The following NR3C2 variants were observed in gnomAD, a reference collection of about 807,000 sequenced individuals.
NR3C2 encodes mineralocorticoid receptor.
NR3C2 carries 15 observed loss-of-function variants against 86.4 expected under a neutral mutation model. The observed-to-expected ratio is 0.17, with a 90% CI of 0.12 to 0.27. The LOEUF (loss-of-function observed/expected upper bound fraction) is 0.27, where lower values mean the gene tolerates loss of function less well. NR3C2 is among the 10% of genes least tolerant of loss of function. The probability of loss-of-function intolerance (pLI) is 1.00; values close to 1 mark genes in which losing one functional copy is unlikely to be tolerated. For missense variants in NR3C2, 960 were observed against 1,195.6 expected (o/e 0.80, Z 2.91); for synonymous variants, 458 against 450.5 (o/e 1.02, Z -0.21).
chr4:148,434,685 G>T (rs1481971215), intron 2 of NR3C2, among the ~76,000 whole-genome samples: 1 of 151,866 alleles, frequency 6.6e-6, no homozygotes, highest in East Asian at 1.9e-4. Context: ...AATAAAGAAA[G>T]CCATAATAAA....
rs555973904 is a variant in NR3C2 at position 148,327,372 on chromosome 4, G to C, written c.1758-67255C>G. 3.3e-5 allele frequency among the ~76,000 whole-genome samples: 5 copies of C among 152,318 alleles called. No individual in the cohort carries two copies. In the East Asian group the frequency reaches 9.6e-4, roughly 29 times the overall value. ...AAAATTAAGGATATGTAACTACCTT[G>C]GTTGAGGATAAGTGAATCCTGAAAT... On this transcript the variant is annotated intron_variant, in intron 2 of 8. Coordinates refer to ENST00000358102, the MANE Select transcript of NR3C2 (RefSeq NM_000901.5).
At chr4:148,363,145 G>T (rs77976216) in intron 2 of NR3C2, among the ~76,000 whole-genome samples, 1 of 152,130 alleles carries the variant, frequency 6.6e-6, no homozygotes, top group Non-Finnish European at 1.5e-5. Context: ...AGGACAATAC[G>T]TGAAATGACA....
intron 3 of NR3C2, among the ~76,000 whole-genome samples, chr4:148,236,042 A>G (rs1738734237): frequency 1.3e-5 from 2 of 152,190 alleles, no homozygotes; most frequent in South Asian, 2.1e-4. Context: ...GTGTTTCTAA[A>G]GCTAGGCCAG....
intron 4 of NR3C2, among the ~76,000 whole-genome samples, chr4:148,171,642 C>G (rs148033583): frequency 2.0e-4 from 31 of 152,360 alleles, no homozygotes; most frequent in Middle Eastern, 6.8e-3. Context: ...CAGAAGGCGG[C>G]ACTTGCCCAT....
At chr4:148,193,415 G>GCA (rs1560970793) in intron 4 of NR3C2, among the ~76,000 whole-genome samples, 5 of 152,126 alleles carry the variant, frequency 3.3e-5, no homozygotes, top group African/African-American at 1.2e-4. Flanking sequence ...TCTTGCAGTG[G>GCA]ATCTGGAGCT....
In NR3C2 at chr4:148,415,444, G is replaced by A. The variant is rs192342169; in HGVS notation, c.1757+19660C>T. 2.0e-5 allele frequency among the ~76,000 whole-genome samples: 3 copies of A among 152,250 alleles called. No individual in the cohort carries two copies. In the East Asian group the frequency reaches 5.8e-4, roughly 29 times the overall value. On this transcript the variant is annotated intron_variant, in intron 2 of 8. Transcript: ENST00000358102. ...AAAATGTATTTTATTCATCATGCTT[G>A]CTTTTCAGATTATTATAAACAAACA...
intron 6 of NR3C2, among the ~76,000 whole-genome samples, chr4:148,127,414 G>A (rs1434554412): frequency 6.6e-6 from 1 of 152,164 alleles, no homozygotes; most frequent in African/African-American, 2.4e-5. Context: ...ATAGAATAAT[G>A]TAAAAATATA....
intron 2 of NR3C2, among the ~76,000 whole-genome samples, chr4:148,410,361 T>C (rs886408777): frequency 6.6e-6 from 1 of 152,190 alleles, no homozygotes; most frequent in Non-Finnish European, 1.5e-5. Context: ...GTGATTAAAA[T>C]GAGGCAATGG....
chr4:148,081,128 T>C lies in NR3C2; in HGVS notation c.*216A>G, dbSNP rs933130055. The C allele has an allele frequency of 5.0e-6, 3 of 594,820 alleles. No homozygotes were observed. Among genetic ancestry groups the C allele is most frequent in the Non-Finnish European group, 9.1e-6 (3 of 328,166 alleles). 36.8% of individuals were successfully genotyped at this position (594,820 alleles called of 1,614,324 possible). A position where few individuals can be genotyped will look rare whatever the true frequency, so the allele number is the denominator to read the frequency against. ...GAACATGTTTCTAAGCGCTGGGGGA[T>C]TGGAGGTGGGGAATCCTTCAGACTG... is the stretch of plus-strand genomic sequence containing the variant. On this transcript the variant is annotated 3_prime_UTR_variant, in exon 9 of 9. Coordinates refer to ENST00000358102, the MANE Select transcript of NR3C2 (RefSeq NM_000901.5).
chr4:148,194,660 C>T (rs1736356062), intron 4 of NR3C2, 86 bp downstream of exon 4: 10 of 883,552 alleles, frequency 1.1e-5, no homozygotes, highest in South Asian at 4.0e-5. Context: ...CTGTTGGCTT[C>T]GTTTTCAATT....
chr4:148,099,497 A>G (rs1560920879), intron 8 of NR3C2, among the ~76,000 whole-genome samples: 1 of 152,184 alleles, frequency 6.6e-6, no homozygotes, highest in Non-Finnish European at 1.5e-5. Flanking sequence ...CTTTCTCTAT[A>G]AAAAGGATAA....
chr4:148,096,270 C>T (rs1369994705), intron 8 of NR3C2, among the ~76,000 whole-genome samples: 1 of 152,152 alleles, frequency 6.6e-6, no homozygotes, highest in African/African-American at 2.4e-5. Flanking sequence ...GTTTGAAATG[C>T]ATTGGCATGT....
intron 6 of NR3C2, among the ~76,000 whole-genome samples, chr4:148,135,433 G>C (rs976335527): frequency 6.6e-6 from 1 of 152,134 alleles, no homozygotes; most frequent in African/African-American, 2.4e-5. Context: ...GTGCCATCTT[G>C]GAAGGAGATG....
At chr4:148,257,960 T>C (rs1258796797) in intron 3 of NR3C2, among the ~76,000 whole-genome samples, 1 of 152,206 alleles carries the variant, frequency 6.6e-6, no homozygotes, top group African/African-American at 2.4e-5. Context: ...CACCTGCATT[T>C]AGGTTTTTGT....
At chr4:148,096,243 T>C (rs1466062921) in intron 8 of NR3C2, among the ~76,000 whole-genome samples, 1 of 152,058 alleles carries the variant, frequency 6.6e-6, no homozygotes, top group African/African-American at 2.4e-5. Flanking sequence ...ACAAAGGAAA[T>C]GTAATGAAAG....
Position 148,261,357 on chromosome 4 carries a change from G to A in NR3C2, c.1758-1240C>T, listed in dbSNP as rs182696381. Among the ~76,000 whole-genome samples the A allele has an allele frequency of 1.1e-3, 162 of 146,762 alleles. 1 individual carries two copies. In the Middle Eastern group the frequency reaches 0.014, roughly 12 times the overall value. ...ATGGTAAGCCCTATGGTGCGCTATGGTAAGCGCTATGGTGCGCTATGGTCA... is the reference window on the plus strand; with the variant it reads ...ATGGTAAGCCCTATGGTGCGCTATGATAAGCGCTATGGTGCGCTATGGTCA... On this transcript the variant is annotated intron_variant, in intron 2 of 8. Transcript: ENST00000358102.
At chr4:148,241,512 C>T (rs1479140891) in intron 3 of NR3C2, among the ~76,000 whole-genome samples, 1 of 151,942 alleles carries the variant, frequency 6.6e-6, no homozygotes, top group African/African-American at 2.4e-5. Context: ...GGCCTTTGCA[C>T]CGTGCCAGGG....
chr4:148,440,732 C>A (rs1158694090), intron 1 of NR3C2, among the ~76,000 whole-genome samples: 1 of 152,160 alleles, frequency 6.6e-6, no homozygotes, highest in Non-Finnish European at 1.5e-5. Flanking sequence ...CAAAGGAAAA[C>A]CTTAAAGTTT....
At chr4:148,332,759 G>A (rs1361243577) in intron 2 of NR3C2, among the ~76,000 whole-genome samples, 4 of 152,134 alleles carry the variant, frequency 2.6e-5, no homozygotes, top group Non-Finnish European at 5.9e-5. Context: ...GGTAGTCATG[G>A]GATACAAGTA....
Sources: allele counts gnomAD v4.1 joint callset (sites outside exome capture counted in the v4.1 genomes callset), GRCh38; gene constraint gnomAD v4.1.1; transcripts MANE v1.5; gene names NCBI Gene and HGNC (gene_info 2026-07-23, HGNC 2026-07-21).